Variants in RANBP2 observed in about 807,000 individuals in gnomAD.
RANBP2 encodes E3 SUMO-protein ligase RanBP2.
In RANBP2, 57 loss-of-function variants were observed where a neutral mutation model predicts 303.6. That is an observed-to-expected ratio of 0.19 (90% CI 0.15 to 0.23). The LOEUF is 0.23. Ranked by LOEUF, RANBP2 falls within the 10% of genes least tolerant of loss-of-function variation. The probability of loss-of-function intolerance (pLI) is 1.00; values close to 1 mark genes in which losing one functional copy is unlikely to be tolerated. For missense variants in RANBP2, 3,138 were observed against 3,780.8 expected, an observed-to-expected ratio of 0.83 and a Z score of 4.46; for synonymous variants, 1,167 against 1,301.5, an observed-to-expected ratio of 0.90 and a Z score of 2.23.
At chr2:108,846,766 G>T in the RANBP2 span, 2 of 1,612,594 alleles carry the variant, frequency 1.2e-6, no homozygotes. Context: ...ACATTGAGGA[G>T]ATTGGGTGAA....
At chr2:108,825,393 C>T in the RANBP2 span, among the ~76,000 whole-genome samples, 5 of 151,768 alleles carry the variant, frequency 3.3e-5, no homozygotes, top group African/African-American at 2.4e-5. Flanking sequence ...GTGCAACCAT[C>T]GCCTTAATCA....
the RANBP2 span, among the ~76,000 whole-genome samples, chr2:109,258,225 TG>T: frequency 6.6e-6 from 1 of 151,762 alleles, no homozygotes; most frequent in Non-Finnish European, 1.5e-5. Flanking sequence ...TTTCCAGGAG[TG>T]GGGGACAGCC....
chr2:109,240,159 T>G, the RANBP2 span, among the ~76,000 whole-genome samples: 1 of 152,188 alleles, frequency 6.6e-6, no homozygotes, highest in African/African-American at 2.4e-5. Context: ...TGTGGAACCA[T>G]GGATCACCCA....
At chr2:109,657,640 T>C in the RANBP2 span, among the ~76,000 whole-genome samples, 14,167 of 151,900 alleles carry the variant, frequency 0.093, 1,123 homozygotes, top group East Asian at 0.24. Context: ...TTAATATCTT[T>C]TAAGCGGGAG....
chr2:109,002,885 T>TA, the RANBP2 span, among the ~76,000 whole-genome samples: 3 of 152,132 alleles, frequency 2.0e-5, no homozygotes, highest in African/African-American at 7.2e-5. Flanking sequence ...TCATGCCTCA[T>TA]AATACCCCTT....
chr2:109,258,486 G>A, the RANBP2 span, among the ~76,000 whole-genome samples: 1 of 152,170 alleles, frequency 6.6e-6, no homozygotes, highest in Admixed American at 6.5e-5. Context: ...ACCTACCAGG[G>A]CCAATCCAAT....
chr2:108,984,690 GT>G, the RANBP2 span, among the ~76,000 whole-genome samples: 5 of 150,594 alleles, frequency 3.3e-5, no homozygotes, highest in African/African-American at 7.3e-5. Context: ...TAGTTTGTTT[GT>G]TTTTTTTTCA....
the RANBP2 span, chr2:108,856,874 C>G: frequency 6.2e-7 from 1 of 1,612,950 alleles, no homozygotes; most frequent in East Asian, 2.2e-5. Context: ...TTTGGAGTAT[C>G]AGGCTGTTCC....
chr2:108,891,656 C>T, the RANBP2 span, among the ~76,000 whole-genome samples: 2 of 152,162 alleles, frequency 1.3e-5, no homozygotes, highest in African/African-American at 4.8e-5. Flanking sequence ...CTCCAGGTGG[C>T]TTGTTCAGTT....
At chr2:109,379,475 A>G in the RANBP2 span, among the ~76,000 whole-genome samples, 11 of 152,296 alleles carry the variant, frequency 7.2e-5, no homozygotes, top group African/African-American at 2.6e-4. Context: ...TTCTGCTGAC[A>G]GATGTGGCCG....
At chr2:109,492,738 C>A in the RANBP2 span, among the ~76,000 whole-genome samples, 2 of 152,148 alleles carry the variant, frequency 1.3e-5, no homozygotes, top group Admixed American at 1.3e-4. Context: ...TCATGGCCCA[C>A]GCCCTGAGCT....
chr2:109,168,629 A>G, the RANBP2 span, among the ~76,000 whole-genome samples: 19 of 151,904 alleles, frequency 1.3e-4, no homozygotes, highest in African/African-American at 4.6e-4. Context: ...GAATCTTACA[A>G]ATCGATGCCA....
the RANBP2 span, among the ~76,000 whole-genome samples, chr2:109,464,640 C>CT: frequency 9.2e-5 from 14 of 152,144 alleles, no homozygotes; most frequent in Non-Finnish European, 5.9e-5. Context: ...CCTTCCAAGA[C>CT]TTTTTTTAAA....
the RANBP2 span, among the ~76,000 whole-genome samples, chr2:108,853,553 A>C: frequency 4.8e-5 from 7 of 145,896 alleles, no homozygotes; most frequent in African/African-American, 1.8e-4. Flanking sequence ...GAGAGATGGG[A>C]TCTCACGCTA....
rs746915569 is a variant in RANBP2 at position 108,767,457 on chromosome 2, T to C, written c.6918T>C (p.Asp2306=). Residue 2306 remains aspartate (D), a synonymous_variant, in exon 20 of 29, where the codon GAT becomes GAC. Transcript: ENST00000283195. ...ESDVTQEEER[D]GQYFEPVVPL... ...ATGTTACTCAAGAAGAAGAGAGAGA[T>C]GGACAGTACTTTGAACCTGTTGTTC... The C allele has an allele frequency of 1.2e-6, 2 of 1,611,938 alleles. No individual in the cohort carries two copies. The highest frequency in any genetic ancestry group is 3.3e-5 in the Admixed American group (2 of 60,006).
chr2:109,220,486 G>A, the RANBP2 span, among the ~76,000 whole-genome samples: 1 of 152,126 alleles, frequency 6.6e-6, no homozygotes, highest in African/African-American at 2.4e-5. Context: ...AGAGTGAAAA[G>A]ATAACCTAAA....
the RANBP2 span, among the ~76,000 whole-genome samples, chr2:109,170,085 A>C: frequency 6.6e-6 from 1 of 152,206 alleles, no homozygotes; most frequent in Non-Finnish European, 1.5e-5. Context: ...CTTTGCCAGA[A>C]ACTATAATCT....
the RANBP2 span, among the ~76,000 whole-genome samples, chr2:108,908,595 G>C: frequency 2.0e-5 from 3 of 152,146 alleles, no homozygotes; most frequent in Non-Finnish European, 2.9e-5. Context: ...GGTGAGCTGG[G>C]TGGGCGGTCG....
chr2:108,905,625 G>C, the RANBP2 span, among the ~76,000 whole-genome samples: 2 of 152,142 alleles, frequency 1.3e-5, no homozygotes, highest in Admixed American at 1.3e-4. Context: ...AGGAGTCCAC[G>C]GAGGGAGGCC....
Sources: gnomAD v4.1 joint callset for allele counts (sites outside exome capture counted in the v4.1 genomes callset) on GRCh38, gnomAD v4.1.1 for gene constraint, MANE v1.5 for transcripts, NCBI Gene and HGNC (gene_info 2026-07-23, HGNC 2026-07-21) for gene names.